ARMC1: variants seen among roughly 807,000 people sequenced by gnomAD.
ARMC1 encodes armadillo repeat containing 1, also known as armadillo repeat-containing protein 1.
In ARMC1, 16 loss-of-function variants were observed where a neutral mutation model predicts 31.4. The observed-to-expected ratio is 0.51, with a 90% confidence interval of 0.34 to 0.77. ARMC1 has a LOEUF of 0.77. Among genes scored for constraint, ARMC1 ranks in the 30% least tolerant of loss-of-function variants. ARMC1 has a pLI of 0.01. For synonymous variants in ARMC1, 114 were observed against 118.9 expected (o/e 0.96, Z 0.27); for missense variants, 259 against 347.5 (o/e 0.75, Z 2.02).
intron 2 of ARMC1, among the ~76,000 whole-genome samples, chr8:65,624,498 C>CAAAAAAAAAAAAAAAAAAAAAAAA (rs538324950): frequency 2.1e-5 from 2 of 95,412 alleles, no homozygotes; most frequent in African/African-American, 3.7e-5. Context: ...GACTCCATCT[C>CAAAAAAAAAAAAAAAAAAAAAAAA]AAAAAAAAAA....
intron 3 of ARMC1, among the ~76,000 whole-genome samples, chr8:65,613,811 T>C (rs534096509): frequency 4.6e-5 from 7 of 152,146 alleles, no homozygotes; most frequent in Non-Finnish European, 8.8e-5. Flanking sequence ...AATACAAAAA[T>C]TAGCTGGGTG....
In ARMC1 at chr8:65,627,206, G is replaced by A. The variant is rs764523822; in HGVS notation, c.183+10C>T. The stretch of plus-strand genomic sequence containing the variant: ...TAGAACAGAGATTGAAATTACTAAA[G>A]GCAACTTACAAGCAAAGCGGAGTGG... On this transcript the variant is annotated intron_variant, in intron 2 of 6. Coordinates refer to ENST00000276569, the MANE Select transcript of ARMC1 (RefSeq NM_018120.6). The A allele has an allele frequency of 2.0e-6, 3 of 1,529,502 alleles. No homozygotes were observed. The East Asian group carries it at 7.0e-5, about 36-fold the overall frequency. The allele number at this position is 1,529,502 out of a possible 1,614,324, so 94.7% of individuals were successfully genotyped here. A position where few individuals can be genotyped will look rare whatever the true frequency, so the allele number is the denominator to read the frequency against.
intron 3 of ARMC1, among the ~76,000 whole-genome samples, chr8:65,620,293 A>C (rs1011800375): frequency 1.6e-5 from 2 of 123,686 alleles, no homozygotes; most frequent in Non-Finnish European, 3.2e-5. Context: ...TATTATTATT[A>C]CTTTTTTTTT....
At chr8:65,605,629 G>C (rs905111895) in intron 4 of ARMC1, 91 bp from the exon 5 acceptor site, 162 of 873,104 alleles carry the variant, frequency 1.9e-4, no homozygotes, top group Non-Finnish European at 2.3e-4. Flanking sequence ...GGGGGGAAGA[G>C]AGCAAATGAC....
At chr8:65,610,176 C>T (rs1232145697) in intron 4 of ARMC1, among the ~76,000 whole-genome samples, 1 of 152,026 alleles carries the variant, frequency 6.6e-6, no homozygotes, top group Non-Finnish European at 1.5e-5. Flanking sequence ...CAGCTCACTG[C>T]AACCTCCACC....
intron 4 of ARMC1, among the ~76,000 whole-genome samples, chr8:65,609,888 G>GAA: frequency 6.9e-6 from 1 of 144,092 alleles, no homozygotes; most frequent in East Asian, 2.0e-4. Context: ...AAAAGAAAAA[G>GAA]AAAAAAGCTG....
chr8:65,605,491 A>T lies in ARMC1; in HGVS notation c.513T>A (p.Val171=). 1 of 1,614,098 alleles carries T rather than the reference A, an allele frequency of 6.2e-7. No individual in the cohort carries two copies. Among genetic ancestry groups the T allele is most frequent in the East Asian group, 2.2e-5 (1 of 44,866 alleles). ...CAGCCATTTGAAAAGTAAAGCTAATAACACCTTTAATTTTTAACAAAGCCT... is the reference window on the plus strand; with the variant it reads ...CAGCCATTTGAAAAGTAAAGCTAATTACACCTTTAATTTTTAACAAAGCCT... The part of the protein sequence containing the change: ...CEEALLKIKG[V]ISFTFQMAVQ... The change falls in exon 5 of 7, where the codon GTT becomes GTA. Residue 171 remains valine (V), a synonymous_variant. Transcript: ENST00000276569.
At chr8:65,609,561 A>T (rs1194817033) in intron 4 of ARMC1, among the ~76,000 whole-genome samples, 1 of 152,118 alleles carries the variant, frequency 6.6e-6, no homozygotes, top group African/African-American at 2.4e-5. Flanking sequence ...CCTAAACACA[A>T]CTAGAAAAAG....
intron 3 of ARMC1, among the ~76,000 whole-genome samples, chr8:65,616,691 C>T (rs189413742): frequency 9.3e-5 from 14 of 151,276 alleles, no homozygotes; most frequent in East Asian, 7.8e-4. Flanking sequence ...AAGTGAGGAG[C>T]GTCTCTGCCC....
chr8:65,631,489 C>T (rs927750625), intron 1 of ARMC1, among the ~76,000 whole-genome samples: 1 of 152,226 alleles, frequency 6.6e-6, no homozygotes, highest in African/African-American at 2.4e-5. Context: ...CCTCCTCGGC[C>T]TCCCAAAGTG....
intron 2 of ARMC1, among the ~76,000 whole-genome samples, chr8:65,624,595 G>C (rs1410350065): frequency 6.6e-6 from 1 of 151,516 alleles, no homozygotes; most frequent in African/African-American, 2.4e-5. Flanking sequence ...TTAAACATAT[G>C]TAGAAGTAAA....
At chr8:65,628,387 G>A (rs1808560570) in intron 1 of ARMC1, among the ~76,000 whole-genome samples, 1 of 132,248 alleles carries the variant, frequency 7.6e-6, no homozygotes, top group Non-Finnish European at 1.6e-5. Flanking sequence ...GCCACGCCCG[G>A]CTAATTTTTT....
At chr8:65,624,696 A>C (rs1808477782) in intron 2 of ARMC1, among the ~76,000 whole-genome samples, 1 of 152,170 alleles carries the variant, frequency 6.6e-6, no homozygotes, top group Admixed American at 6.6e-5. Flanking sequence ...GGTATGATTC[A>C]TTTAAAGGTA....
In ARMC1 at chr8:65,602,571, G is replaced by C. The variant is rs2129040269; in HGVS notation, c.*1823C>G. 1 of 152,168 alleles carries C rather than the reference G, an allele frequency of 6.6e-6. No homozygotes were observed. Among genetic ancestry groups the C allele is most frequent in the East Asian group, 1.9e-4 (1 of 5,186 alleles). 9.4% of individuals were successfully genotyped at this position (152,168 alleles called of 1,614,324 possible). The stretch of plus-strand genomic sequence containing the variant: ...TATGATCTGGAATAAAGAACTCTTA[G>C]AATTAGAACACACAAACATCAAGCT... On this transcript the variant is annotated 3_prime_UTR_variant, in exon 7 of 7. Coordinates refer to ENST00000276569, the MANE Select transcript of ARMC1 (RefSeq NM_018120.6).
At chr8:65,620,315 T>C (rs1184746467) in intron 3 of ARMC1, among the ~76,000 whole-genome samples, 1 of 73,148 alleles carries the variant, frequency 1.4e-5, no homozygotes, top group Admixed American at 1.4e-4. Context: ...TTTTTTTTTT[T>C]TTTTGAGAGG....
At chr8:65,616,197 G>A (rs1266014034) in intron 3 of ARMC1, among the ~76,000 whole-genome samples, 1 of 152,226 alleles carries the variant, frequency 6.6e-6, no homozygotes, top group East Asian at 1.9e-4. Context: ...AAGCTGGACT[G>A]TACTGCTGCC....
At chr8:65,630,077 G>A (rs910441900) in intron 1 of ARMC1, among the ~76,000 whole-genome samples, 22 of 152,098 alleles carry the variant, frequency 1.4e-4, no homozygotes, top group African/African-American at 5.1e-4. Flanking sequence ...CTCGGGAGGT[G>A]GAGGTTGCAG....
intron 1 of ARMC1, among the ~76,000 whole-genome samples, chr8:65,629,432 G>A (rs1461980210): frequency 6.6e-6 from 1 of 152,130 alleles, no homozygotes; most frequent in Non-Finnish European, 1.5e-5. Context: ...GAGGATCAAG[G>A]GATACAAAGT....
chr8:65,627,238 G>A lies in ARMC1; in HGVS notation c.161C>T (p.Pro54Leu). ...TACAAGCAAAGCGGAGTGGACGACT[G>A]GAGGGTTGGGATGGTCCATAAATAA... ...LILFMDHPNP[P>L]VVHSALLALR... is the part of the protein sequence containing the mutation. Residue 54 changes from proline to leucine, a missense_variant, in exon 2 of 7, where the codon CCA becomes CTA. Around this residue, in one of 3 missense-constraint regions of ARMC1, gnomAD observed 163 missense variants for 186.7 expected, o/e 0.87. Coordinates refer to ENST00000276569, the MANE Select transcript of ARMC1 (RefSeq NM_018120.6). The A allele has an allele frequency of 6.3e-7, 1 of 1,585,436 alleles. No homozygotes were observed. The highest frequency in any genetic ancestry group is 8.6e-7 in the Non-Finnish European group (1 of 1,163,686).
Sources: allele counts gnomAD v4.1 joint callset (sites outside exome capture counted in the v4.1 genomes callset), GRCh38; gene constraint gnomAD v4.1.1; regional missense constraint gnomAD v4.1.1; transcripts MANE v1.5; gene names NCBI Gene and HGNC (gene_info 2026-07-23, HGNC 2026-07-21).